Variants in PCGF6 observed in about 807,000 individuals in gnomAD.
The protein encoded by PCGF6 is polycomb group ring finger 6, also known as polycomb group RING finger protein 6.
PCGF6 carries 24 observed loss-of-function variants against 45.5 expected under a neutral mutation model. The observed-to-expected ratio is 0.53, with a 90% CI of 0.38 to 0.74. The LOEUF (loss-of-function observed/expected upper bound fraction) is 0.74. Among genes scored for constraint, PCGF6 ranks in the 30% least tolerant of loss-of-function variants. The pLI is 0.00. For synonymous variants in PCGF6, 152 were observed against 162.1 expected, an observed-to-expected ratio of 0.94 and a Z score of 0.47; for missense variants, 356 against 443.2, an observed-to-expected ratio of 0.80 and a Z score of 1.77.
At chr10:103,344,721 C>T (rs973027554) in intron 6 of PCGF6, among the ~76,000 whole-genome samples, 13 of 152,062 alleles carry the variant, frequency 8.5e-5, no homozygotes, top group African/African-American at 3.1e-4. Flanking sequence ...CGCCACCACG[C>T]CCAGCTAATT....
chr10:103,317,628 A>G (rs2093180786), intron 8 of PCGF6, among the ~76,000 whole-genome samples: 1 of 152,176 alleles, frequency 6.6e-6, no homozygotes, highest in East Asian at 1.9e-4. Context: ...CAACAAAACG[A>G]AACCTCATCT....
At position 103,316,000 on chromosome 10, in the gene PCGF6, A is replaced by G. The variant is rs1388519716; in HGVS notation, c.910-1728T>C. 7.0e-3 allele frequency among the ~76,000 whole-genome samples: 853 copies of G among 121,002 alleles called. 3 individuals carry two copies. Among genetic ancestry groups the G allele is most frequent in the Middle Eastern group, 0.02 (5 of 252 alleles). 79.4% of individuals were successfully genotyped at this position (121,002 alleles called of 152,430 possible). ...TGTGTGTGTGTGTGTGTGTGTATATATATATATATATATAGAGAGAGAGAG... is the reference window on the plus strand; with the variant it reads ...TGTGTGTGTGTGTGTGTGTGTATATGTATATATATATATAGAGAGAGAGAG... On this transcript the variant is annotated intron_variant, in intron 8 of 9. Transcript: ENST00000369847.
Position 103,351,126 on chromosome 10 carries a change from T to A in PCGF6, c.-60A>T, listed in dbSNP as rs1488294290. The A allele has an allele frequency of 5.3e-6, 7 of 1,328,386 alleles. No individual in the cohort carries two copies. In the South Asian group the frequency reaches 1.4e-4, roughly 27 times the overall value. 82.3% of individuals were successfully genotyped at this position (1,328,386 alleles called of 1,614,324 possible). A position where few individuals can be genotyped will look rare whatever the true frequency, so the allele number is the denominator to read the frequency against. On this transcript the variant is annotated 5_prime_UTR_variant, in exon 1 of 10. Transcript: ENST00000369847. ...GGAGAGCGCGGGAGTTCGGCCGGCC[T>A]CGGACGCCACCACTGCGCAGGCGCG...
Position 103,321,435 on chromosome 10 carries a change from T to C in PCGF6, c.909+5099A>G, listed in dbSNP as rs566350428. ...CTATATGTAATAATATATTGTAGGC[T>C]GGGCGCGGTGGCTCATGCCTGTAAT... On this transcript the variant is annotated intron_variant, in intron 8 of 9. Coordinates refer to ENST00000369847, the MANE Select transcript of PCGF6 (RefSeq NM_001011663.2). Among the ~76,000 whole-genome samples the C allele has an allele frequency of 1.4e-3, 208 of 152,198 alleles. 5 individuals carry two copies. The highest frequency in any genetic ancestry group is 1.4e-3 in the Non-Finnish European group (96 of 67,988).
chr10:103,336,749 C>T (rs1469234798), intron 6 of PCGF6, among the ~76,000 whole-genome samples: 1 of 152,126 alleles, frequency 6.6e-6, no homozygotes, highest in East Asian at 1.9e-4. Context: ...TTGGCACATG[C>T]CTGTAATCCT....
chr10:103,348,259 T>G (rs2093306880), intron 3 of PCGF6: 1 of 154,932 alleles, frequency 6.5e-6, no homozygotes, highest in Non-Finnish European at 1.4e-5. Context: ...CAGTGCCTAG[T>G]ACATAGTAAG....
intron 1 of PCGF6, among the ~76,000 whole-genome samples, chr10:103,350,502 A>G (rs2093316864): frequency 6.6e-6 from 1 of 152,300 alleles, no homozygotes; most frequent in African/African-American, 2.4e-5. Flanking sequence ...GAACTTCACA[A>G]AATAAGCGGG....
chr10:103,335,447 T>C (rs61869832), intron 6 of PCGF6, among the ~76,000 whole-genome samples: 68,896 of 151,164 alleles, frequency 0.46, 15,865 homozygotes, highest in South Asian at 0.64. Flanking sequence ...CTGCAACCTC[T>C]GCCTCCCGGG....
chr10:103,351,032 A>G lies in PCGF6; in HGVS notation c.35T>C (p.Val12Ala), dbSNP rs1411009380. The G allele has an allele frequency of 1.4e-5, 19 of 1,396,646 alleles. No homozygotes were observed. The Admixed American group carries it at 3.7e-4, about 27-fold the overall frequency. The allele number at this position is 1,396,646 out of a possible 1,614,324, so 86.5% of individuals were successfully genotyped here. A position where few individuals can be genotyped will look rare whatever the true frequency, so the allele number is the denominator to read the frequency against. The part of the protein sequence containing the change: ...EGVAVVTAGS[V>A]GAAKTEGAAA... ...AGCTCCCTCGGTTTTGGCAGCGCCT[A>G]CGCTGCCCGCCGTCACCACCGCGAC... is the stretch of plus-strand genomic sequence containing the variant. Residue 12 changes from valine to alanine, a missense_variant, in exon 1 of 10, where the codon GTA (valine) becomes GCA (alanine). Physicochemically the swap from Val to Ala is moderately conservative, Grantham distance 64 (BLOSUM62 0). Around this residue, in one of 2 missense-constraint regions of PCGF6, gnomAD observed 307 missense variants for 350.1 expected, o/e 0.88. Transcript: ENST00000369847.
intron 7 of PCGF6, among the ~76,000 whole-genome samples, chr10:103,331,192 T>C (rs1387717142): frequency 6.6e-6 from 1 of 152,246 alleles, no homozygotes; most frequent in African/African-American, 2.4e-5. Context: ...CTCTATTATA[T>C]GAAAATACAT....
chr10:103,342,685 A>C (rs148570344), intron 6 of PCGF6, among the ~76,000 whole-genome samples: 507 of 152,312 alleles, frequency 3.3e-3, no homozygotes, highest in Non-Finnish European at 5.5e-3. Context: ...CCCACTTAAT[A>C]CATCTTGGAG....
At chr10:103,322,126 C>T (rs1170830027) in intron 8 of PCGF6, among the ~76,000 whole-genome samples, 1 of 152,102 alleles carries the variant, frequency 6.6e-6, no homozygotes, top group Non-Finnish European at 1.5e-5. Flanking sequence ...GAACTCCTGA[C>T]CTCAGGTGAT....
intron 9 of PCGF6, among the ~76,000 whole-genome samples, chr10:103,308,751 C>T (rs1216022576): frequency 2.0e-5 from 3 of 151,826 alleles, no homozygotes; most frequent in Non-Finnish European, 2.9e-5. Flanking sequence ...TGTGCACCTG[C>T]AGTCCCACCA....
chr10:103,315,992 GTGTATA>G lies in PCGF6; in HGVS notation c.910-1726_910-1721del, dbSNP rs1168160468. 7.1e-5 allele frequency among the ~76,000 whole-genome samples: 8 copies of G among 112,440 alleles called. No homozygotes were observed. The South Asian group carries it at 9.7e-4, about 14-fold the overall frequency. 73.8% of individuals were successfully genotyped at this position (112,440 alleles called of 152,430 possible). ...TATGTGTGTGTGTGTGTGTGTGTGT[GTGTATA>G]TATATATATATATATAGAGAGAGAG... On this transcript the variant is annotated intron_variant, in intron 8 of 9. Coordinates refer to ENST00000369847, the MANE Select transcript of PCGF6 (RefSeq NM_001011663.2).
chr10:103,333,117 TAAAAAAA>T (rs55722610), intron 7 of PCGF6, among the ~76,000 whole-genome samples: 88 of 131,010 alleles, frequency 6.7e-4, no homozygotes, highest in Middle Eastern at 3.9e-3. Context: ...AGACTCCATT[TAAAAAAA>T]AAAAAAAAAA....
chr10:103,305,809 A>G (rs965093993), intron 9 of PCGF6, among the ~76,000 whole-genome samples: 3 of 151,834 alleles, frequency 2.0e-5, no homozygotes, highest in Non-Finnish European at 4.4e-5. Flanking sequence ...ACACTTTGAG[A>G]GTCCGAGGTG....
At chr10:103,322,126 C>A (rs1170830027) in intron 8 of PCGF6, among the ~76,000 whole-genome samples, 1 of 152,102 alleles carries the variant, frequency 6.6e-6, no homozygotes, top group African/African-American at 2.4e-5. Flanking sequence ...GAACTCCTGA[C>A]CTCAGGTGAT....
chr10:103,338,467 C>G (rs2093266245), intron 6 of PCGF6, among the ~76,000 whole-genome samples: 1 of 151,156 alleles, frequency 6.6e-6, no homozygotes, highest in Non-Finnish European at 1.5e-5. Flanking sequence ...ATGGCATGAA[C>G]CCGGGAGGCG....
chr10:103,321,897 T>C (rs865997936), intron 8 of PCGF6, among the ~76,000 whole-genome samples: 4 of 151,802 alleles, frequency 2.6e-5, no homozygotes, highest in African/African-American at 9.7e-5. Context: ...TTATTTCATT[T>C]CACTTTTTTT....
Sources: allele counts gnomAD v4.1 joint callset (sites outside exome capture counted in the v4.1 genomes callset), GRCh38; gene constraint gnomAD v4.1.1; regional missense constraint gnomAD v4.1.1; transcripts MANE v1.5; gene names NCBI Gene and HGNC (gene_info 2026-07-23, HGNC 2026-07-21).